Variants in ABCA2 observed in about 807,000 individuals in gnomAD.
ABCA2 encodes the protein ATP-binding cassette sub-family A member 2.
A neutral mutation model predicts 262.8 loss-of-function variants in ABCA2; 84 were observed. The observed-to-expected ratio is 0.32, with a 90% confidence interval of 0.27 to 0.38. The LOEUF is 0.38. Among genes scored for constraint, ABCA2 ranks in the 10% least tolerant of loss-of-function variants. The pLI is 1.00. For missense variants in ABCA2, 2,662 were observed against 3,405.9 expected (o/e 0.78, Z 5.44); for synonymous variants, 1,696 against 1,502.9 (o/e 1.13, Z -2.97).
In ABCA2 at chr9:137,014,238, G is replaced by A; in HGVS notation, c.4170C>T (p.Tyr1390=). The stretch of plus-strand genomic sequence containing the variant: ...GGCGGTAGTCGCCATAGACGTCGGT[G>A]TAGCCAGCTCCCTCGTCGCCACGGG... The part of the protein sequence containing the change: ...GSARGDEGAG[Y]TDVYGDYRPL... Residue 1390 remains tyrosine, a synonymous_variant, in exon 27 of 49, where the codon TAC becomes TAT. Transcript: ENST00000341511. 8 of 1,610,484 alleles carry A rather than the reference G, an allele frequency of 5.0e-6. No individual in the cohort carries two copies. The highest frequency in any genetic ancestry group is 1.7e-4 in the Middle Eastern group (1 of 6,058).
At position 137,013,224 on chromosome 9, in the gene ABCA2, C is replaced by T. The variant is rs370139173; in HGVS notation, c.4645G>A (p.Ala1549Thr). ...VGATCVLKSP[A>T]NGSLGPTLNL... ...AACGTGGGCCCCAGCGAGCCGTTGG[C>T]GGGAGACTTGAGCACGCAGGTGGCA... Residue 1549 changes from alanine to threonine, a missense_variant, in exon 30 of 49, where the codon GCC (alanine) becomes ACC (threonine). Ala to Thr is a moderately conservative substitution (Grantham distance 58). Coordinates refer to ENST00000341511, the MANE Select transcript of ABCA2 (RefSeq NM_001606.5). 168 of 1,602,290 alleles carry T rather than the reference C, an allele frequency of 1.0e-4. No individual in the cohort carries two copies. In the African/African-American group the frequency reaches 1.6e-3, roughly 16 times the overall value.
rs753290432 is a variant in ABCA2, at chr9:137,011,491, G to A, written c.5715C>T (p.Tyr1905=). The change falls in exon 37 of 49, where the codon TAC becomes TAT. Residue 1905 remains tyrosine, a synonymous_variant. Coordinates refer to ENST00000341511, the MANE Select transcript of ABCA2 (RefSeq NM_001606.5). This position sits in a 1 kb window ranked among gnomAD's most constrained non-coding sequence, Gnocchi z 8.8. ...SFWFEVPSSA[Y]VFLIVINLFI... ...AGAGATTGATGACAATGAGGAACAC[G>A]TAGGCGGAGCTGGGGACCTCGAACC... The A allele has an allele frequency of 1.6e-5, 26 of 1,605,884 alleles. No homozygotes were observed. Among genetic ancestry groups the A allele is most frequent in the Middle Eastern group, 1.6e-4 (1 of 6,078 alleles).
At chr9:137,008,900 G>GCCCCCCCCCCCCCCCCACGGCCC (rs59031144) in intron 46 of ABCA2, 32 bp from the exon 47 acceptor site, 1 of 1,535,814 alleles carries the variant, frequency 6.5e-7, no homozygotes, top group Non-Finnish European at 8.8e-7. Flanking sequence ...GCCTGGCAGC[G>GCCCCCCCCCCCCCCCCACGGCCC]CCCCCCCACC....
chr9:137,010,678 T>C lies in ABCA2; in HGVS notation c.6116A>G (p.Gln2039Arg), dbSNP rs377050255. 37 of 1,610,126 alleles carry C rather than the reference T, an allele frequency of 2.3e-5. No individual in the cohort carries two copies. In the African/African-American group the frequency reaches 4.6e-4, roughly 20 times the overall value. The change falls in exon 40 of 49, where the codon CAG becomes CGG. Residue 2039 changes from glutamine to arginine, a missense_variant. Gln to Arg is a conservative substitution (Grantham distance 43, BLOSUM62 1). Transcript: ENST00000341511. ...EDDVDVASER[Q>R]RVLRGDADND... Reference sequence around the variant, plus strand: ...GTCGGCGTCTCCCCGGAGCACTCGCTGCCGCTCACTGGCCACGTCCACATC... The same window carrying C: ...GTCGGCGTCTCCCCGGAGCACTCGCCGCCGCTCACTGGCCACGTCCACATC...
At chr9:137,015,304 C>G (rs1452328773) in intron 24 of ABCA2, 110 bp downstream of exon 24, 2 of 1,364,808 alleles carry the variant, frequency 1.5e-6, no homozygotes, top group East Asian at 5.0e-5. Flanking sequence ...AGCAGGCATC[C>G]TGGGCCCAGC....
chr9:137,025,167 C>A (rs921320214), intron 1 of ABCA2, among the ~76,000 whole-genome samples: 1 of 152,242 alleles, frequency 6.6e-6, no homozygotes, highest in Non-Finnish European at 1.5e-5. Context: ...CTCCTGCTAA[C>A]CCAGGCTGGG....
rs1259215973 is a variant in ABCA2 at position 137,018,247 on chromosome 9, C to T, written c.1924G>A (p.Ala642Thr). The T allele has an allele frequency of 2.5e-6, 4 of 1,609,678 alleles. No individual in the cohort carries two copies. The highest frequency in any genetic ancestry group is 2.5e-6 in the Non-Finnish European group (3 of 1,179,334). ...FTEKTNEIRR[A>T]YWRPGPNTGG... The stretch of plus-strand genomic sequence containing the variant: ...GTATTGGGCCCAGGCCGCCAGTAGG[C>T]GCGGCGGATCTCGTTGGTTTTCTCG... The change falls in exon 14 of 49, where the codon GCC becomes ACC. Residue 642 changes from alanine (A) to threonine (T), a missense_variant. Physicochemically the swap from Ala to Thr is moderately conservative, Grantham distance 58 (BLOSUM62 0). Transcript: ENST00000341511.
chr9:137,021,680 T>C lies in ABCA2; in HGVS notation c.679-70A>G. The C allele has an allele frequency of 6.8e-7, 1 of 1,473,712 alleles. No homozygotes were observed. Among genetic ancestry groups the C allele is most frequent in the Non-Finnish European group, 9.2e-7 (1 of 1,091,936 alleles). The allele number at this position is 1,473,712 out of a possible 1,614,324, so 91.3% of individuals were successfully genotyped here. A position where few individuals can be genotyped will look rare whatever the true frequency, so the allele number is the denominator to read the frequency against. ...TCCCCAACCACTAGGGCCTCAGGCC[T>C]CACCCTGCCCCACCCACTGGCTGGC... is the stretch of plus-strand genomic sequence containing the variant. On this transcript the variant is annotated intron_variant, in intron 7 of 48. Coordinates refer to ENST00000341511, the MANE Select transcript of ABCA2 (RefSeq NM_001606.5). The surrounding 1 kb of genome is among the most constrained non-coding windows in gnomAD (Gnocchi z 6.0).
intron 10 of ABCA2, 44 bp downstream of exon 10, chr9:137,020,292 T>G (rs1330411309): frequency 1.2e-6 from 2 of 1,607,278 alleles, no homozygotes; most frequent in Middle Eastern, 1.8e-4. Context: ...AGAGACCCCC[T>G]CCCACTCTGC....
rs998325596 is a variant in ABCA2 at position 137,019,219 on chromosome 9, C to G, written c.1513G>C (p.Glu505Gln). 5 of 1,612,532 alleles carry G rather than the reference C, an allele frequency of 3.1e-6. No homozygotes were observed. The African/African-American group carries it at 5.3e-5, about 17-fold the overall frequency. Residue 505 changes from glutamate (E) to glutamine (Q), a missense_variant, in exon 11 of 49, where the codon GAG (glutamate) becomes CAG (glutamine). Physicochemically the swap from Glu to Gln is conservative, Grantham distance 29. Coordinates refer to ENST00000341511, the MANE Select transcript of ABCA2 (RefSeq NM_001606.5). The surrounding 1 kb of genome is among the most constrained non-coding windows in gnomAD (Gnocchi z 4.4). ...NISAEIRSFL[E>Q]QGRLQQHLRW... ...AGGTGTTGCTGCAGCCTGCCCTGCT[C>G]CAGGAAGCTGCGGATCTCCGCCGAG...
chr9:137,008,376 TG>T, intron 48 of ABCA2, 39 bp downstream of exon 48: 1 of 1,545,846 alleles, frequency 6.5e-7, no homozygotes, highest in Non-Finnish European at 8.7e-7. Context: ...CTGGGTCCAG[TG>T]GGCAGAGCCC....
At chr9:137,016,852 G>A in intron 19 of ABCA2, 68 bp downstream of exon 19, 1 of 1,583,584 alleles carries the variant, frequency 6.3e-7, no homozygotes, top group Middle Eastern at 1.7e-4. Flanking sequence ...AGTGGACACA[G>A]ACTGCTGGTC....
Position 137,023,009 on chromosome 9 carries a change from A to G in ABCA2, c.207T>C (p.Pro69=). ...AAPLTSAGIL[P]VMQSLCPDGQ... is the part of the protein sequence containing the mutation. ...CGTCCGGGCACAGCGATTGCATGAC[A>G]GGCAGGATGCCGGCAGACGTCAGGG... Residue 69 remains proline, a synonymous_variant, in exon 4 of 49, where the codon CCT becomes CCC. Transcript: ENST00000341511. The G allele has an allele frequency of 1.3e-6, 2 of 1,596,490 alleles. No individual in the cohort carries two copies. The highest frequency in any genetic ancestry group is 1.7e-6 in the Non-Finnish European group (2 of 1,172,576).
chr9:137,021,632 G>T lies in ABCA2; in HGVS notation c.679-22C>A. On this transcript the variant is annotated intron_variant, in intron 7 of 48. Transcript: ENST00000341511. This position sits in a 1 kb window ranked among gnomAD's most constrained non-coding sequence, Gnocchi z 6.0. ...GCTCCTGGGATGGGCACAGGGGTCC[G>T]TGGAGCCACGGCAAGGACTTTGTCC... 6.5e-7 allele frequency: 1 copy of T among 1,540,828 alleles called. No homozygotes were observed. Among genetic ancestry groups the T allele is most frequent in the Non-Finnish European group, 8.7e-7 (1 of 1,143,718 alleles).
upstream of ABCA2, chr9:137,028,777 G>T: frequency 3.1e-6 from 4 of 1,289,520 alleles, no homozygotes; most frequent in Non-Finnish European, 3.0e-6. This position sits in a 1 kb window ranked among gnomAD's most constrained non-coding sequence, Gnocchi z 6.9. Flanking sequence ...GCCAGCGGAA[G>T]GGGGGAAACT....
chr9:137,010,552 G>T, intron 40 of ABCA2, 68 bp downstream of exon 40: 1 of 1,527,212 alleles, frequency 6.5e-7, no homozygotes, highest in Non-Finnish European at 8.9e-7. Context: ...CACCTCCACT[G>T]CTGGGGCCCC....
rs375590437 is a variant in ABCA2, at chr9:137,009,734, G to A, written c.6630+35C>T. 2.0e-5 allele frequency: 32 copies of A among 1,608,506 alleles called. 1 individual carries two copies. The highest frequency in any genetic ancestry group is 3.3e-5 in the Admixed American group (2 of 59,874). On this transcript the variant is annotated intron_variant, in intron 43 of 48. Transcript: ENST00000341511. ...GCCCGTGCTCACCAGGAAGTCAAAG[G>A]CCAGGCAGCCACCCCCCACCCACCC...
At chr9:137,024,346 GC>G in intron 1 of ABCA2, 110 bp from the exon 2 acceptor site, 1 of 914,510 alleles carries the variant, frequency 1.1e-6, no homozygotes, top group Non-Finnish European at 1.6e-6. Context: ...GCTCCCTGGG[GC>G]CAGGGAAGGT....
chr9:137,014,065 G>A (rs1286676621), intron 27 of ABCA2, 27 bp from the exon 28 acceptor site: 11 of 1,605,490 alleles, frequency 6.9e-6, no homozygotes, highest in East Asian at 2.2e-5. Flanking sequence ...AGGCTGAGCA[G>A]GTGGTTGCAC....
Sources: gnomAD v4.1 joint callset for allele counts (sites outside exome capture counted in the v4.1 genomes callset) on GRCh38, gnomAD v4.1.1 for gene constraint, Gnocchi (gnomAD v3.1) non-coding constraint, MANE v1.5 for transcripts, NCBI Gene and HGNC (gene_info 2026-07-23, HGNC 2026-07-21) for gene names.